The following ZNF521 variants were observed in gnomAD, a reference collection of about 807,000 sequenced individuals.
ZNF521 encodes the protein zinc finger protein 521.
In ZNF521, 14 loss-of-function variants were observed where a neutral mutation model predicts 105.5. The observed-to-expected ratio is 0.13, with a 90% CI of 0.09 to 0.21. The LOEUF (loss-of-function observed/expected upper bound fraction) is 0.21. Among genes scored for constraint, ZNF521 ranks in the 10% least tolerant of loss-of-function variants. The probability of loss-of-function intolerance (pLI) is 1.00; values close to 1 mark genes in which losing one functional copy is unlikely to be tolerated. For synonymous variants in ZNF521, 635 were observed against 606.0 expected (o/e 1.05, Z -0.70); for missense variants, 1,233 against 1,629.7 (o/e 0.76, Z 4.19).
At chr18:25,333,840 C>G (rs1461365002) in intron 2 of ZNF521, among the ~76,000 whole-genome samples, 7 of 152,228 alleles carry the variant, frequency 4.6e-5, no homozygotes, top group African/African-American at 1.7e-4. Context: ...TTAATACAGG[C>G]AGTGTGGTAT....
At chr18:25,126,707 A>G (rs1487171930) in intron 5 of ZNF521, among the ~76,000 whole-genome samples, 1 of 152,222 alleles carries the variant, frequency 6.6e-6, no homozygotes, top group Admixed American at 6.5e-5. Flanking sequence ...GATAAGCACA[A>G]TAAGATAAAT....
At position 25,223,787 on chromosome 18, in the gene ZNF521, T is replaced by G. The variant is rs372927062; in HGVS notation, c.3573+558A>C. Among the ~76,000 whole-genome samples the G allele has an allele frequency of 5.3e-5, 8 of 152,112 alleles. No homozygotes were observed. The East Asian group carries it at 1.5e-3, about 29-fold the overall frequency. ...AACAGAATAATGGGCATGTGGTGCTTAATAAATGTAGGGGATTTTTAAAAA... is the reference window on the plus strand; with the variant it reads ...AACAGAATAATGGGCATGTGGTGCTGAATAAATGTAGGGGATTTTTAAAAA... On this transcript the variant is annotated intron_variant, in intron 4 of 7. Coordinates refer to ENST00000361524, the MANE Select transcript of ZNF521 (RefSeq NM_015461.3).
intron 3 of ZNF521, among the ~76,000 whole-genome samples, chr18:25,285,758 G>T (rs1019161040): frequency 6.6e-6 from 1 of 151,352 alleles, no homozygotes; most frequent in Non-Finnish European, 1.5e-5. Flanking sequence ...GCACATGCAC[G>T]CATGGCTATA....
chr18:25,099,263 G>C (rs535501477), intron 5 of ZNF521, among the ~76,000 whole-genome samples: 1 of 152,140 alleles, frequency 6.6e-6, no homozygotes, highest in African/African-American at 2.4e-5. Flanking sequence ...AAGACTGATG[G>C]TAAAACAATA....
In ZNF521 at chr18:25,146,085, T is replaced by C. The variant is rs1405565581; in HGVS notation, c.3658+49075A>G. Among the ~76,000 whole-genome samples, 3 of 152,170 alleles carry C rather than the reference T, an allele frequency of 2.0e-5. No individual in the cohort carries two copies. The East Asian group carries it at 5.8e-4, about 29-fold the overall frequency. ...AACCTTATTAGTTAGCTATTATTATTCCTATTTTATGGATTAGGAGACTGA... is the reference window on the plus strand; with the variant it reads ...AACCTTATTAGTTAGCTATTATTATCCCTATTTTATGGATTAGGAGACTGA... On this transcript the variant is annotated intron_variant, in intron 5 of 7. Coordinates refer to ENST00000361524, the MANE Select transcript of ZNF521 (RefSeq NM_015461.3).
intron 5 of ZNF521, among the ~76,000 whole-genome samples, chr18:25,133,227 G>A (rs1452927650): frequency 6.6e-6 from 1 of 152,178 alleles, no homozygotes; most frequent in Non-Finnish European, 1.5e-5. Context: ...CTAGATGAAT[G>A]TATTAACATG....
intron 5 of ZNF521, among the ~76,000 whole-genome samples, chr18:25,113,793 C>CACACACACACACACACAG (rs1053377440): frequency 6.8e-5 from 10 of 147,974 alleles, no homozygotes; most frequent in Admixed American, 2.7e-4. Context: ...CACACACACA[C>CACACACACACACACACAG]AGAGACGGGG....
At chr18:25,181,694 ATTAGATAGACGTC>A (rs1485508308) in intron 5 of ZNF521, among the ~76,000 whole-genome samples, 5 of 152,226 alleles carry the variant, frequency 3.3e-5, no homozygotes, top group Non-Finnish European at 7.3e-5. Context: ...CTACCTATGC[ATTAGATAGACGTC>A]TTAGATGTAT....
At chr18:25,339,741 T>C (rs73944217) in intron 2 of ZNF521, among the ~76,000 whole-genome samples, 14,421 of 152,230 alleles carry the variant, frequency 0.095, 1,141 homozygotes, top group East Asian at 0.39. Context: ...AAAAGGCTTA[T>C]AGAGAAACCA....
Position 25,085,653 on chromosome 18 carries a change from ATGTGTGTG to A in ZNF521, c.3906+3804_3906+3811del, listed in dbSNP as rs10569576. On this transcript the variant is annotated intron_variant, in intron 7 of 7. Transcript: ENST00000361524. ...CATACTTATACATCCCCATATATAT[ATGTGTGTG>A]TGTGTGTGTGTGTGTGTGTGTGTAT... is the stretch of plus-strand genomic sequence containing the variant. Among the ~76,000 whole-genome samples the A allele has an allele frequency of 3.7e-3, 527 of 144,342 alleles. 6 individuals carry two copies. Among genetic ancestry groups the A allele is most frequent in the African/African-American group, 0.013 (482 of 38,260 alleles). The allele number at this position is 144,342 out of a possible 152,430, so 94.7% of individuals were successfully genotyped here.
chr18:25,121,939 C>T (rs766214607), intron 5 of ZNF521, among the ~76,000 whole-genome samples: 15 of 151,880 alleles, frequency 9.9e-5, no homozygotes, highest in Non-Finnish European at 1.5e-4. Flanking sequence ...TCACCAAACA[C>T]GTAAAGAAGC....
chr18:25,203,801 A>G (rs2036033019), intron 4 of ZNF521, among the ~76,000 whole-genome samples: 1 of 152,236 alleles, frequency 6.6e-6, no homozygotes, highest in Non-Finnish European at 1.5e-5. Context: ...AGTACCAGGG[A>G]GAAAAAATAT....
chr18:25,087,797 A>G (rs1266159805), intron 7 of ZNF521, among the ~76,000 whole-genome samples: 6 of 152,230 alleles, frequency 3.9e-5, no homozygotes, highest in African/African-American at 1.2e-4. Context: ...TTTAGAAGCG[A>G]TACAAGGTAA....
intron 7 of ZNF521, among the ~76,000 whole-genome samples, chr18:25,086,482 T>C (rs2033625511): frequency 6.6e-6 from 1 of 152,194 alleles, no homozygotes; most frequent in Non-Finnish European, 1.5e-5. Context: ...TTTTTCTTAA[T>C]GTGTTGAAAC....
chr18:25,190,151 T>A (rs1477772220), intron 5 of ZNF521, among the ~76,000 whole-genome samples: 1 of 152,234 alleles, frequency 6.6e-6, no homozygotes, highest in Non-Finnish European at 1.5e-5. Context: ...TTTCATCTTT[T>A]TTAATCCAGC....
At chr18:25,160,028 G>T (rs1449979355) in intron 5 of ZNF521, among the ~76,000 whole-genome samples, 16 of 152,154 alleles carry the variant, frequency 1.1e-4, no homozygotes, top group Admixed American at 1.0e-3. Flanking sequence ...TACTTTGGAA[G>T]TTCTAGAGAT....
At chr18:25,099,284 G>C (rs947171375) in intron 5 of ZNF521, among the ~76,000 whole-genome samples, 2 of 152,158 alleles carry the variant, frequency 1.3e-5, no homozygotes, top group Non-Finnish European at 2.9e-5. Context: ...TCTATTGTTT[G>C]TCAGTTGGGT....
chr18:25,222,254 G>T (rs529972038), intron 4 of ZNF521, among the ~76,000 whole-genome samples: 2 of 152,128 alleles, frequency 1.3e-5, no homozygotes, highest in Admixed American at 1.3e-4. Flanking sequence ...TGTAAGTGCA[G>T]GATAAAGATA....
chr18:25,136,483 A>G (rs908583158), intron 5 of ZNF521, among the ~76,000 whole-genome samples: 1 of 152,180 alleles, frequency 6.6e-6, no homozygotes, highest in Non-Finnish European at 1.5e-5. Context: ...ACCTCATTGA[A>G]TTCTTTCTAT....
Sources: gnomAD v4.1 joint callset for allele counts (sites outside exome capture counted in the v4.1 genomes callset) on GRCh38, gnomAD v4.1.1 for gene constraint, MANE v1.5 for transcripts, NCBI Gene and HGNC (gene_info 2026-07-23, HGNC 2026-07-21) for gene names.